CNIH3: variants seen among roughly 807,000 people sequenced by gnomAD.
CNIH3 encodes protein cornichon homolog 3.
CNIH3 carries 14 observed loss-of-function variants against 24.1 expected under a neutral mutation model. That is an observed-to-expected ratio of 0.58 (90% CI 0.38 to 0.91). The LOEUF (loss-of-function observed/expected upper bound fraction) is 0.91. Ranked by LOEUF, CNIH3 falls within the 40% of genes least tolerant of loss-of-function variation. CNIH3 has a pLI of 0.00. For missense variants in CNIH3, 178 were observed against 196.8 expected, an observed-to-expected ratio of 0.90 and a Z score of 0.57; for synonymous variants, 68 against 73.8, an observed-to-expected ratio of 0.92 and a Z score of 0.40.
intron 1 of CNIH3, among the ~76,000 whole-genome samples, chr1:224,457,356 G>A (rs1205767777): frequency 6.6e-6 from 1 of 151,130 alleles, no homozygotes; most frequent in Non-Finnish European, 1.5e-5. Flanking sequence ...ACTGAAGGAA[G>A]GAGATAGCTC....
intron 1 of CNIH3, among the ~76,000 whole-genome samples, chr1:224,492,977 A>G (rs917696818): frequency 3.3e-5 from 5 of 152,226 alleles, no homozygotes; most frequent in Non-Finnish European, 7.3e-5. Flanking sequence ...AATCACCAAC[A>G]ATATCAGAAT....
intron 3 of CNIH3, among the ~76,000 whole-genome samples, chr1:224,720,511 T>A (rs1398889468): frequency 1.3e-5 from 2 of 152,164 alleles, no homozygotes; most frequent in African/African-American, 4.8e-5. Flanking sequence ...AGAGTTGGGC[T>A]TCCTTCCCTT....
intron 1 of CNIH3, among the ~76,000 whole-genome samples, chr1:224,619,395 C>T (rs1196313947): frequency 1.3e-5 from 2 of 152,190 alleles, no homozygotes; most frequent in Non-Finnish European, 2.9e-5. Context: ...ATCCAGATTC[C>T]TCGTGGAAGT....
intron 3 of CNIH3, among the ~76,000 whole-genome samples, chr1:224,559,423 G>A (rs2124980554): frequency 6.6e-6 from 1 of 152,224 alleles, no homozygotes; most frequent in East Asian, 1.9e-4. Flanking sequence ...GGAGTGTGGT[G>A]GCCCTATCGT....
At chr1:224,562,959 G>A (rs561567943) in intron 3 of CNIH3, among the ~76,000 whole-genome samples, 2 of 152,310 alleles carry the variant, frequency 1.3e-5, no homozygotes, top group South Asian at 4.1e-4. Context: ...ACTGAAGAGT[G>A]TGTAAAATGA....
chr1:224,483,541 C>T (rs1394304771), intron 1 of CNIH3, among the ~76,000 whole-genome samples: 1 of 152,022 alleles, frequency 6.6e-6, no homozygotes, highest in Non-Finnish European at 1.5e-5. Context: ...AGGCACATGC[C>T]ACCACACCCG....
At chr1:224,687,470 T>C (rs1371212863) in intron 3 of CNIH3, among the ~76,000 whole-genome samples, 1 of 152,162 alleles carries the variant, frequency 6.6e-6, no homozygotes, top group Non-Finnish European at 1.5e-5. Context: ...TGGCTTCAAG[T>C]GATGCTCCCA....
chr1:224,668,412 A>G (rs529037339), intron 1 of CNIH3, among the ~76,000 whole-genome samples: 23 of 152,366 alleles, frequency 1.5e-4, no homozygotes, highest in African/African-American at 5.3e-4. Flanking sequence ...GGCAGCTGGT[A>G]GAGGCCAGCT....
chr1:224,640,129 G>C (rs1248349009), intron 1 of CNIH3, among the ~76,000 whole-genome samples: 3 of 152,192 alleles, frequency 2.0e-5, no homozygotes, highest in Admixed American at 6.5e-5. Context: ...GTGTGGATGT[G>C]AGGTTTTACT....
At chr1:224,676,730 G>A (rs990056258) in intron 1 of CNIH3, among the ~76,000 whole-genome samples, 1 of 152,196 alleles carries the variant, frequency 6.6e-6, no homozygotes, top group African/African-American at 2.4e-5. Flanking sequence ...CTCGCAGTCA[G>A]TCCATTGCTG....
intron 5 of CNIH3, among the ~76,000 whole-genome samples, chr1:224,739,112 A>C (rs1392637987): frequency 3.9e-5 from 6 of 152,100 alleles, no homozygotes; most frequent in African/African-American, 1.4e-4. Flanking sequence ...CAAGGGATAC[A>C]ATATGCTCTC....
intron 1 of CNIH3, among the ~76,000 whole-genome samples, chr1:224,475,547 A>G (rs1273817482): frequency 2.0e-5 from 3 of 152,150 alleles, no homozygotes; most frequent in Non-Finnish European, 2.9e-5. Context: ...AGAAATCCAA[A>G]ACCTGAACAG....
downstream of CNIH3, among the ~76,000 whole-genome samples, chr1:224,592,476 T>C (rs1464871036): frequency 1.3e-5 from 2 of 152,200 alleles, no homozygotes; most frequent in African/African-American, 4.8e-5. Context: ...GCTGTAGGGT[T>C]AAACTTAGTA....
At chr1:224,449,985 A>G (rs1177442431) in intron 1 of CNIH3, among the ~76,000 whole-genome samples, 1 of 151,972 alleles carries the variant, frequency 6.6e-6, no homozygotes, top group African/African-American at 2.4e-5. Context: ...GTATATATAC[A>G]CATACACACA....
chr1:224,448,603 G>A (rs1489655708), intron 1 of CNIH3, among the ~76,000 whole-genome samples: 1 of 152,158 alleles, frequency 6.6e-6, no homozygotes, highest in East Asian at 1.9e-4. Flanking sequence ...TAGACCAATA[G>A]TCATGCGTCC....
intron 1 of CNIH3, among the ~76,000 whole-genome samples, chr1:224,445,445 G>A (rs1036351978): frequency 4.0e-5 from 6 of 151,746 alleles, no homozygotes; most frequent in African/African-American, 7.3e-5. Context: ...GCGTGGTGGC[G>A]CATGCCTGTA....
intron 3 of CNIH3, among the ~76,000 whole-genome samples, chr1:224,709,895 G>A (rs891682972): frequency 2.6e-5 from 4 of 152,152 alleles, no homozygotes; most frequent in South Asian, 2.1e-4. Context: ...ATAGTACCAA[G>A]CTGCGGTATA....
intron 4 of CNIH3, among the ~76,000 whole-genome samples, chr1:224,578,022 G>A (rs1234631548): frequency 1.3e-5 from 2 of 152,086 alleles, no homozygotes; most frequent in Non-Finnish European, 2.9e-5. Context: ...TGCAGGGAAG[G>A]GTGGGAGGGA....
chr1:224,609,813 G>T (rs1486521042), intron 3 of CNIH3, among the ~76,000 whole-genome samples: 1 of 152,150 alleles, frequency 6.6e-6, no homozygotes, highest in Non-Finnish European at 1.5e-5. Flanking sequence ...TCTGATGGAT[G>T]CTTGAGGGTA....
Sources: gnomAD v4.1 joint callset for allele counts (sites outside exome capture counted in the v4.1 genomes callset) on GRCh38, gnomAD v4.1.1 for gene constraint, MANE v1.5 for transcripts, NCBI Gene and HGNC (gene_info 2026-07-23, HGNC 2026-07-21) for gene names.